Variants in DLG2 observed in about 807,000 individuals in gnomAD.
The protein encoded by DLG2 is discs large MAGUK scaffold protein 2.
A neutral mutation model predicts 132.5 loss-of-function variants in DLG2; 45 were observed. That is an observed-to-expected ratio of 0.34 (90% CI 0.27 to 0.44). The LOEUF (loss-of-function observed/expected upper bound fraction) is 0.44, where lower values mean the gene tolerates loss of function less well. Ranked by LOEUF, DLG2 falls within the 20% of genes least tolerant of loss-of-function variation. The pLI is 1.00. For missense variants in DLG2, 1,045 were observed against 1,196.9 expected, an observed-to-expected ratio of 0.87 and a Z score of 1.87; for synonymous variants, 424 against 419.6, an observed-to-expected ratio of 1.01 and a Z score of -0.13.
At chr11:85,231,493 T>C (rs1196084092) in intron 4 of DLG2, among the ~76,000 whole-genome samples, 1 of 152,026 alleles carries the variant, frequency 6.6e-6, no homozygotes, top group African/African-American at 2.4e-5. Flanking sequence ...TTAAACATAT[T>C]TATAATAGCA....
chr11:84,876,607 GT>G (rs1314267240), intron 6 of DLG2, among the ~76,000 whole-genome samples: 1 of 151,830 alleles, frequency 6.6e-6, no homozygotes, highest in African/African-American at 2.4e-5. Context: ...CTGTCTATTT[GT>G]TTTGTTAATC....
intron 6 of DLG2, among the ~76,000 whole-genome samples, chr11:84,786,884 A>G (rs1234483228): frequency 6.6e-6 from 1 of 152,156 alleles, no homozygotes; most frequent in Non-Finnish European, 1.5e-5. Context: ...TCCTTTAATT[A>G]GGGTCCCGGG....
chr11:83,662,947 G>A (rs927574331), intron 18 of DLG2, among the ~76,000 whole-genome samples: 1 of 152,140 alleles, frequency 6.6e-6, no homozygotes, highest in African/African-American at 2.4e-5. Context: ...TAGCTTCAGG[G>A]CTGGAACAAA....
intron 6 of DLG2, among the ~76,000 whole-genome samples, chr11:85,080,086 A>G (rs1015646824): frequency 2.0e-5 from 3 of 152,108 alleles, no homozygotes; most frequent in Non-Finnish European, 2.9e-5. Context: ...GATTTGAAGA[A>G]TTTCAACTAA....
intron 6 of DLG2, among the ~76,000 whole-genome samples, chr11:85,083,146 G>A (rs1037560488): frequency 6.6e-6 from 1 of 152,114 alleles, no homozygotes; most frequent in African/African-American, 2.4e-5. Flanking sequence ...CATGGAAGCA[G>A]GAAAATTTGT....
intron 10 of DLG2, among the ~76,000 whole-genome samples, chr11:84,097,808 G>A (rs2097186434): frequency 6.6e-6 from 1 of 152,098 alleles, no homozygotes; most frequent in Admixed American, 6.6e-5. Flanking sequence ...TGACATTAGG[G>A]CATGTTATTC....
intron 7 of DLG2, among the ~76,000 whole-genome samples, chr11:84,501,394 G>A (rs547718238): frequency 8.3e-4 from 126 of 152,184 alleles, no homozygotes; most frequent in South Asian, 4.2e-3. Context: ...GCGAAAACCC[G>A]TCTTGACTAA....
intron 19 of DLG2, among the ~76,000 whole-genome samples, chr11:83,575,844 C>T (rs1234263168): frequency 6.6e-6 from 1 of 151,980 alleles, no homozygotes; most frequent in African/African-American, 2.4e-5. Flanking sequence ...ATATCTGGCC[C>T]CAATAAAGTA....
chr11:84,532,318 A>T (rs1432581127), intron 7 of DLG2, among the ~76,000 whole-genome samples: 1 of 152,052 alleles, frequency 6.6e-6, no homozygotes, highest in African/African-American at 2.4e-5. Context: ...TATCATTATT[A>T]GTTGACTTAA....
intron 3 of DLG2, among the ~76,000 whole-genome samples, chr11:85,399,188 A>T (rs2087759846): frequency 1.3e-5 from 2 of 152,188 alleles, no homozygotes; most frequent in African/African-American, 4.8e-5. Flanking sequence ...CAATTGCTTC[A>T]AAGAGAATAA....
intron 21 of DLG2, among the ~76,000 whole-genome samples, chr11:83,500,731 C>A (rs1458298191): frequency 6.6e-6 from 1 of 151,776 alleles, no homozygotes. Context: ...GCCTGTATGT[C>A]CCACTATGTG....
At chr11:84,389,172 T>C (rs1250120661) in intron 7 of DLG2, among the ~76,000 whole-genome samples, 1 of 152,136 alleles carries the variant, frequency 6.6e-6, no homozygotes, top group African/African-American at 2.4e-5. Context: ...CTCAGCAAAG[T>C]CCAATATAAA....
intron 4 of DLG2, among the ~76,000 whole-genome samples, chr11:85,207,133 C>G (rs1318895142): frequency 6.6e-6 from 1 of 152,140 alleles, no homozygotes; most frequent in Non-Finnish European, 1.5e-5. Flanking sequence ...CATCTCATCC[C>G]TATTGCTCAT....
intron 7 of DLG2, among the ~76,000 whole-genome samples, chr11:84,440,419 G>A (rs1488182863): frequency 6.6e-6 from 1 of 152,104 alleles, no homozygotes; most frequent in African/African-American, 2.4e-5. Flanking sequence ...AGTAGCAAAA[G>A]TTGCTTGAAA....
chr11:85,430,112 A>G (rs1448150376), intron 3 of DLG2, among the ~76,000 whole-genome samples: 1 of 151,894 alleles, frequency 6.6e-6, no homozygotes, highest in African/African-American at 2.4e-5. Context: ...GCAAGGACAA[A>G]AAAACCAAAC....
At chr11:85,317,598 T>A (rs894531780) in intron 3 of DLG2, among the ~76,000 whole-genome samples, 2 of 151,914 alleles carry the variant, frequency 1.3e-5, no homozygotes, top group East Asian at 1.9e-4. Flanking sequence ...TTTTGTTCCT[T>A]CCTCCAAGGA....
At chr11:84,847,598 G>T (rs907333305) in intron 6 of DLG2, among the ~76,000 whole-genome samples, 1 of 152,148 alleles carries the variant, frequency 6.6e-6, no homozygotes, top group Non-Finnish European at 1.5e-5. Flanking sequence ...AGCTTTGCCA[G>T]ACCAGCAGAA....
chr11:85,397,030 G>C (rs1258846192), intron 3 of DLG2, among the ~76,000 whole-genome samples: 3 of 152,086 alleles, frequency 2.0e-5, no homozygotes, highest in African/African-American at 7.2e-5. Context: ...TCCAAAGAGA[G>C]AGGTTGGGTT....
chr11:85,523,473 A>G (rs1256871059), intron 3 of DLG2, among the ~76,000 whole-genome samples: 1 of 152,238 alleles, frequency 6.6e-6, no homozygotes, highest in African/African-American at 2.4e-5. Flanking sequence ...AAACAAGTAC[A>G]TGAAAAGGTA....
Sources: gnomAD v4.1 joint callset for allele counts (sites outside exome capture counted in the v4.1 genomes callset) on GRCh38, gnomAD v4.1.1 for gene constraint, MANE v1.5 for transcripts, NCBI Gene and HGNC (gene_info 2026-07-23, HGNC 2026-07-21) for gene names.